The following AGBL4 variants were observed in gnomAD, a reference collection of about 807,000 sequenced individuals.
AGBL4 encodes AGBL carboxypeptidase 4.
A neutral mutation model predicts 66.4 loss-of-function variants in AGBL4; 58 were observed. That is an observed-to-expected ratio of 0.87 (90% CI 0.71 to 1.09). AGBL4 has a LOEUF of 1.09. AGBL4 is among the 50% of genes least tolerant of loss of function. The probability of loss-of-function intolerance (pLI) is 0.00; values close to 1 mark genes in which losing one functional copy is unlikely to be tolerated. For synonymous variants in AGBL4, 234 were observed against 222.9 expected, an observed-to-expected ratio of 1.05 and a Z score of -0.44; for missense variants, 579 against 631.0, an observed-to-expected ratio of 0.92 and a Z score of 0.88.
chr1:49,634,143 C>T (rs1217923481), intron 3 of AGBL4, among the ~76,000 whole-genome samples: 1 of 151,836 alleles, frequency 6.6e-6, no homozygotes, highest in Non-Finnish European at 1.5e-5. Flanking sequence ...TATACAGGCG[C>T]CATGGTGGTT....
intron 9 of AGBL4, among the ~76,000 whole-genome samples, chr1:48,609,917 T>A (rs1273989212): frequency 6.6e-6 from 1 of 152,166 alleles, no homozygotes; most frequent in African/African-American, 2.4e-5. Context: ...ACCCTCTTCT[T>A]TATTATAAGA....
chr1:50,008,941 A>T (rs1661332133), intron 1 of AGBL4, among the ~76,000 whole-genome samples: 1 of 152,168 alleles, frequency 6.6e-6, no homozygotes. Flanking sequence ...ACCTACCAAG[A>T]TTGAACCATA....
chr1:48,707,296 AAACAAC>A (rs891263367), intron 6 of AGBL4, among the ~76,000 whole-genome samples: 8 of 152,112 alleles, frequency 5.3e-5, no homozygotes, highest in South Asian at 2.1e-4. Flanking sequence ...CCTATATCCA[AAACAAC>A]AACAACAACA....
intron 3 of AGBL4, among the ~76,000 whole-genome samples, chr1:49,402,289 C>A (rs1645102443): frequency 6.6e-6 from 1 of 152,060 alleles, no homozygotes; most frequent in South Asian, 2.1e-4. Flanking sequence ...TGGAATATTT[C>A]TTCTTTTTGG....
chr1:48,950,690 T>C (rs1165547040), intron 5 of AGBL4, among the ~76,000 whole-genome samples: 3 of 152,120 alleles, frequency 2.0e-5, no homozygotes, highest in Admixed American at 6.6e-5. Flanking sequence ...CGAATGAGGA[T>C]TCATCAGGAC....
chr1:49,064,159 C>G (rs953838473), intron 4 of AGBL4, among the ~76,000 whole-genome samples: 5 of 152,196 alleles, frequency 3.3e-5, no homozygotes, highest in Non-Finnish European at 7.3e-5. Flanking sequence ...CAGTTGGTAG[C>G]TGTCAGTATT....
chr1:49,298,653 T>TCCC (rs1644687888), intron 3 of AGBL4, among the ~76,000 whole-genome samples: 1 of 139,200 alleles, frequency 7.2e-6, no homozygotes, highest in African/African-American at 2.7e-5. Context: ...TCCCTCCTCC[T>TCCC]TCTTGAAAAT....
intron 3 of AGBL4, among the ~76,000 whole-genome samples, chr1:49,409,149 GCTCTCTCT>G (rs373757168): frequency 1.4e-5 from 2 of 145,976 alleles, no homozygotes; most frequent in African/African-American, 5.1e-5. Context: ...ACTCTCTCTG[GCTCTCTCT>G]CTCTCTCTCT....
chr1:49,817,044 C>G (rs1354650096), intron 2 of AGBL4, among the ~76,000 whole-genome samples: 1 of 152,218 alleles, frequency 6.6e-6, no homozygotes, highest in African/African-American at 2.4e-5. Flanking sequence ...CTCCTACCCA[C>G]ATCCCTGAAG....
At position 49,920,039 on chromosome 1, in the gene AGBL4, T is replaced by C. The variant is rs561359875; in HGVS notation, c.35-68521A>G. 1.1e-3 allele frequency among the ~76,000 whole-genome samples: 171 copies of C among 152,170 alleles called. 1 individual carries two copies. Among genetic ancestry groups the C allele is most frequent in the African/African-American group, 4.0e-3 (167 of 41,546 alleles). ...GCTGGGAAAACTGGCTAGCCATATG[T>C]AGAAAGCTGAAACTGGATCCCTTCC... is the stretch of plus-strand genomic sequence containing the variant. On this transcript the variant is annotated intron_variant, in intron 1 of 13. Coordinates refer to ENST00000371839, the MANE Select transcript of AGBL4 (RefSeq NM_032785.4).
At chr1:48,958,157 C>A (rs1330307070) in intron 5 of AGBL4, among the ~76,000 whole-genome samples, 1 of 152,026 alleles carries the variant, frequency 6.6e-6, no homozygotes, top group Non-Finnish European at 1.5e-5. Context: ...TGCGCCTGGC[C>A]TCTGCAGGCT....
intron 1 of AGBL4, among the ~76,000 whole-genome samples, chr1:49,970,982 C>A (rs1418492877): frequency 6.6e-6 from 1 of 152,066 alleles, no homozygotes; most frequent in Non-Finnish European, 1.5e-5. Context: ...TCTCCTTGTC[C>A]TGATACAAAG....
intron 2 of AGBL4, among the ~76,000 whole-genome samples, chr1:49,758,615 G>A (rs1393064405): frequency 1.3e-5 from 2 of 152,116 alleles, no homozygotes; most frequent in Non-Finnish European, 2.9e-5. Context: ...AGACTTGCAT[G>A]GGGCCTGTAA....
chr1:49,353,993 CA>C (rs890320898), intron 3 of AGBL4, among the ~76,000 whole-genome samples: 1 of 151,850 alleles, frequency 6.6e-6, no homozygotes, highest in Non-Finnish European at 1.5e-5. Context: ...TTCCTGGATA[CA>C]AAAAAAAGAC....
intron 3 of AGBL4, among the ~76,000 whole-genome samples, chr1:49,299,967 A>C (rs1385560443): frequency 6.6e-6 from 1 of 152,086 alleles, no homozygotes. Flanking sequence ...CCCAATGTAT[A>C]ATTCTTTTCA....
intron 3 of AGBL4, among the ~76,000 whole-genome samples, chr1:49,490,402 GT>G (rs945596545): frequency 3.3e-5 from 5 of 151,388 alleles, no homozygotes; most frequent in African/African-American, 1.2e-4. Context: ...GCATATTGCT[GT>G]TTTTTTCCTA....
chr1:49,094,001 G>A (rs1645046193), intron 4 of AGBL4, among the ~76,000 whole-genome samples: 2 of 152,182 alleles, frequency 1.3e-5, no homozygotes, highest in South Asian at 4.1e-4. Flanking sequence ...AGGGGCTTGT[G>A]TATAGCTGTG....
At chr1:48,943,000 C>G (rs1307681813) in intron 5 of AGBL4, among the ~76,000 whole-genome samples, 1 of 152,206 alleles carries the variant, frequency 6.6e-6, no homozygotes, top group Non-Finnish European at 1.5e-5. Flanking sequence ...ATTATCTAAT[C>G]ATCATCTTTT....
intron 7 of AGBL4, 64 bp downstream of exon 7, chr1:48,663,088 A>G: frequency 6.7e-7 from 1 of 1,488,372 alleles, no homozygotes; most frequent in Admixed American, 1.7e-5. Context: ...ACACTGTTCC[A>G]GAGATCATCA....
Sources: gnomAD v4.1 joint callset for allele counts (sites outside exome capture counted in the v4.1 genomes callset) on GRCh38, gnomAD v4.1.1 for gene constraint, MANE v1.5 for transcripts, NCBI Gene and HGNC (gene_info 2026-07-23, HGNC 2026-07-21) for gene names.